XKR4: variants seen among roughly 807,000 people sequenced by gnomAD.
XKR4 encodes the protein XK related 4.
A neutral mutation model predicts 53.9 loss-of-function variants in XKR4; 12 were observed. That is an observed-to-expected ratio of 0.22 (90% CI 0.14 to 0.36). The LOEUF (loss-of-function observed/expected upper bound fraction) is 0.36. XKR4 is among the 10% of genes least tolerant of loss of function. XKR4 has a pLI of 1.00. For missense variants in XKR4, 799 were observed against 859.5 expected, an observed-to-expected ratio of 0.93 and a Z score of 0.88; for synonymous variants, 354 against 362.4, an observed-to-expected ratio of 0.98 and a Z score of 0.26.
intron 1 of XKR4, among the ~76,000 whole-genome samples, chr8:55,155,794 CCA>C (rs1387736309): frequency 1.3e-5 from 2 of 152,008 alleles, no homozygotes; most frequent in Non-Finnish European, 2.9e-5. Context: ...GATGAGTCAC[CCA>C]CAGTGAATAG....
At chr8:55,450,567 G>C (rs1407237212) in intron 2 of XKR4, 1 of 719,254 alleles carries the variant, frequency 1.4e-6, no homozygotes, top group Non-Finnish European at 2.5e-6. Context: ...TGGTAGCCGA[G>C]GAACTTGAGA....
intron 2 of XKR4, among the ~76,000 whole-genome samples, chr8:55,395,978 C>G (rs190529486): frequency 6.6e-6 from 1 of 152,330 alleles, no homozygotes; most frequent in Non-Finnish European, 1.5e-5. Flanking sequence ...CTCACTATAT[C>G]CTCACATGGA....
At chr8:55,146,156 T>C (rs1191342087) in intron 1 of XKR4, among the ~76,000 whole-genome samples, 1 of 152,218 alleles carries the variant, frequency 6.6e-6, no homozygotes, top group Admixed American at 6.5e-5. Context: ...TGACTACTAG[T>C]GTTCTAAGAG....
At chr8:55,209,067 TC>T (rs1332529955) in intron 1 of XKR4, among the ~76,000 whole-genome samples, 1 of 152,230 alleles carries the variant, frequency 6.6e-6, no homozygotes, top group Non-Finnish European at 1.5e-5. Flanking sequence ...CTCCTGTGGC[TC>T]ATAGGCAACC....
At chr8:55,247,861 T>TCTTTCTTTCTTTC (rs1554572242) in intron 1 of XKR4, among the ~76,000 whole-genome samples, 2 of 107,968 alleles carry the variant, frequency 1.9e-5, no homozygotes, top group Non-Finnish European at 4.2e-5. Flanking sequence ...CTTTCTTTTT[T>TCTTTCTTTCTTTC]TTTTTTTTTT....
intron 2 of XKR4, among the ~76,000 whole-genome samples, chr8:55,423,152 G>A (rs968070422): frequency 1.5e-4 from 22 of 151,632 alleles, no homozygotes; most frequent in Admixed American, 3.3e-4. Flanking sequence ...CTGGAGTGCA[G>A]TGGCACGATT....
intron 2 of XKR4, among the ~76,000 whole-genome samples, chr8:55,465,245 G>A (rs563803805): frequency 6.6e-6 from 1 of 152,164 alleles, no homozygotes; most frequent in African/African-American, 2.4e-5. Context: ...TATACTACAA[G>A]GCTACAGTAA....
At chr8:55,486,930 C>T (rs545125215) in intron 2 of XKR4, among the ~76,000 whole-genome samples, 2 of 152,206 alleles carry the variant, frequency 1.3e-5, no homozygotes, top group South Asian at 4.2e-4. Flanking sequence ...TTCAGTTTCC[C>T]CAATACCAAA....
At chr8:55,223,398 T>C (rs186844636) in intron 1 of XKR4, among the ~76,000 whole-genome samples, 2 of 152,320 alleles carry the variant, frequency 1.3e-5, no homozygotes, top group South Asian at 2.1e-4. Context: ...TATGGGACAC[T>C]GTGGAAACTT....
intron 2 of XKR4, among the ~76,000 whole-genome samples, chr8:55,466,857 A>G (rs1209196344): frequency 1.3e-5 from 2 of 152,188 alleles, no homozygotes. Flanking sequence ...ATATCTGATT[A>G]ATACCTCAGG....
intron 1 of XKR4, among the ~76,000 whole-genome samples, chr8:55,224,760 A>G (rs1171265864): frequency 6.6e-6 from 1 of 152,180 alleles, no homozygotes; most frequent in Non-Finnish European, 1.5e-5. Flanking sequence ...TTTTTCCTAC[A>G]AAGAATCCTA....
chr8:55,408,348 C>A (rs891054751), intron 2 of XKR4, among the ~76,000 whole-genome samples: 2 of 152,166 alleles, frequency 1.3e-5, no homozygotes, highest in Non-Finnish European at 2.9e-5. Context: ...AGACCTAGAA[C>A]AAACAGGAAA....
intron 1 of XKR4, among the ~76,000 whole-genome samples, chr8:55,355,748 T>C (rs1803788998): frequency 6.6e-6 from 1 of 152,198 alleles, no homozygotes; most frequent in Non-Finnish European, 1.5e-5. Flanking sequence ...TGGCAGATCT[T>C]GGGCCTTGCA....
At chr8:55,441,943 G>T (rs1440463401) in intron 2 of XKR4, among the ~76,000 whole-genome samples, 1 of 151,678 alleles carries the variant, frequency 6.6e-6, no homozygotes, top group African/African-American at 2.4e-5. Context: ...ATCAAATTAG[G>T]AAGTTAAAAT....
At chr8:55,304,996 C>T (rs1311222610) in intron 1 of XKR4, among the ~76,000 whole-genome samples, 23 of 151,820 alleles carry the variant, frequency 1.5e-4, no homozygotes, top group Admixed American at 1.5e-3. Context: ...TTCAAAAATA[C>T]TTATTTATAT....
At chr8:55,324,928 C>G (rs571400974) in intron 1 of XKR4, among the ~76,000 whole-genome samples, 13 of 152,216 alleles carry the variant, frequency 8.5e-5, no homozygotes, top group Non-Finnish European at 1.6e-4. Flanking sequence ...AATATTTTAC[C>G]ACCTTTCTCA....
intron 1 of XKR4, among the ~76,000 whole-genome samples, chr8:55,146,559 A>T (rs912973107): frequency 6.6e-5 from 10 of 152,312 alleles, no homozygotes; most frequent in Admixed American, 5.9e-4. Flanking sequence ...ATTGTGATTG[A>T]GAAATTGAAT....
intron 1 of XKR4, among the ~76,000 whole-genome samples, chr8:55,351,828 C>T (rs1412170784): frequency 6.6e-6 from 1 of 152,212 alleles, no homozygotes; most frequent in East Asian, 1.9e-4. Context: ...CATACAATAA[C>T]CAACTTTGTT....
At chr8:55,200,075 TC>T (rs1817559443) in intron 1 of XKR4, among the ~76,000 whole-genome samples, 1 of 152,190 alleles carries the variant, frequency 6.6e-6, no homozygotes, top group Admixed American at 6.5e-5. Flanking sequence ...TATCCTTTTT[TC>T]TTTTTTGAGA....
Sources: allele counts gnomAD v4.1 joint callset (sites outside exome capture counted in the v4.1 genomes callset), GRCh38; gene constraint gnomAD v4.1.1; transcripts MANE v1.5; gene names NCBI Gene and HGNC (gene_info 2026-07-23, HGNC 2026-07-21).